The following CYB5R4 variants were observed in gnomAD, a reference collection of about 807,000 sequenced individuals.
CYB5R4 encodes N-terminal cytochrome b5 and cytochrome b5 oxidoreductase domain-containing protein.
Under a neutral mutation model 70.2 loss-of-function variants are expected in CYB5R4, and 55 were observed. The observed-to-expected ratio is 0.78, with a 90% CI of 0.63 to 0.98. The LOEUF (loss-of-function observed/expected upper bound fraction) is 0.98. CYB5R4 is among the 50% of genes least tolerant of loss of function. The pLI is 0.00. For synonymous variants in CYB5R4, 197 were observed against 199.5 expected (o/e 0.99, Z 0.11); for missense variants, 562 against 612.6 (o/e 0.92, Z 0.87).
intron 5 of CYB5R4, among the ~76,000 whole-genome samples, chr6:83,916,922 C>G (rs770239055): frequency 1.3e-5 from 2 of 152,048 alleles, no homozygotes; most frequent in Non-Finnish European, 2.9e-5. Flanking sequence ...AATTTTTGTT[C>G]CTGTATAGTT....
intron 13 of CYB5R4, 128 bp from the exon 14 acceptor site, chr6:83,940,387 G>A (rs939314463): frequency 2.4e-5 from 26 of 1,096,442 alleles, no homozygotes; most frequent in African/African-American, 3.3e-5. Context: ...TCTCATTTCA[G>A]TTTTTGATGA....
At chr6:83,872,678 C>G (rs1377641040) in intron 2 of CYB5R4, among the ~76,000 whole-genome samples, 1 of 152,162 alleles carries the variant, frequency 6.6e-6, no homozygotes, top group Admixed American at 6.5e-5. Flanking sequence ...TAGTTATTTT[C>G]TAGTTCTGTT....
At chr6:83,912,156 T>A (rs1015213328) in intron 4 of CYB5R4, among the ~76,000 whole-genome samples, 9 of 151,752 alleles carry the variant, frequency 5.9e-5, no homozygotes, top group African/African-American at 1.7e-4. Context: ...AGAAGAAGCA[T>A]CCTTATCATA....
chr6:83,895,413 G>C (rs1173483206), intron 3 of CYB5R4, among the ~76,000 whole-genome samples: 4 of 152,134 alleles, frequency 2.6e-5, no homozygotes, highest in Non-Finnish European at 4.4e-5. Flanking sequence ...TACTCTGCCT[G>C]CCTCAGCCGC....
rs535975373 is a variant in CYB5R4, at chr6:83,939,990, C to T, written c.1109-66C>T. ...GCTAGTTTTGGCTTCTTAGTTTCCC[C>T]GCTGGGTTTTTTGTTTTGTTTTTTG... On this transcript the variant is annotated intron_variant, in intron 12 of 15. Coordinates refer to ENST00000369681, the MANE Select transcript of CYB5R4 (RefSeq NM_016230.4). 90 of 1,231,108 alleles carry T rather than the reference C, an allele frequency of 7.3e-5. 2 individuals carry two copies. The highest frequency in any genetic ancestry group is 6.9e-4 in the South Asian group (44 of 63,772). 76.3% of individuals were successfully genotyped at this position (1,231,108 alleles called of 1,614,324 possible).
chr6:83,936,205 C>T lies in CYB5R4; in HGVS notation c.956-19C>T, dbSNP rs942507686. On this transcript the variant is annotated intron_variant, in intron 11 of 15. Coordinates refer to ENST00000369681, the MANE Select transcript of CYB5R4 (RefSeq NM_016230.4). ...GGATTTTTAGAATTTAATTATTTTG[C>T]TGTGATTTTTTTTTCTAGGTACAGA... The T allele has an allele frequency of 4.0e-6, 6 of 1,513,056 alleles. No individual in the cohort carries two copies. The highest frequency in any genetic ancestry group is 2.4e-5 in the Admixed American group (1 of 41,948). The allele number at this position is 1,513,056 out of a possible 1,614,324, so 93.7% of individuals were successfully genotyped here. A position where few individuals can be genotyped will look rare whatever the true frequency, so the allele number is the denominator to read the frequency against.
At chr6:83,906,928 CG>C (rs2099463863) in intron 3 of CYB5R4, among the ~76,000 whole-genome samples, 1 of 151,972 alleles carries the variant, frequency 6.6e-6, no homozygotes, top group Non-Finnish European at 1.5e-5. Context: ...TTTCCTTTGC[CG>C]GTCTTTTACA....
intron 2 of CYB5R4, among the ~76,000 whole-genome samples, chr6:83,874,459 C>T (rs2099458190): frequency 6.6e-6 from 1 of 151,730 alleles, no homozygotes; most frequent in Admixed American, 6.6e-5. Flanking sequence ...GCCTTGGCCT[C>T]CCAAAGTGCT....
intron 14 of CYB5R4, 27 bp from the exon 15 acceptor site, chr6:83,955,271 T>C (rs1346375963): frequency 1.3e-6 from 2 of 1,565,400 alleles, no homozygotes; most frequent in Admixed American, 1.9e-5. Context: ...ATAATAAACT[T>C]TAAAAAGCTG....
chr6:83,918,905 A>C (rs2099465923), intron 6 of CYB5R4, among the ~76,000 whole-genome samples: 1 of 152,158 alleles, frequency 6.6e-6, no homozygotes. Flanking sequence ...GTGCAAAAAG[A>C]GTATCAATTT....
intron 1 of CYB5R4, among the ~76,000 whole-genome samples, chr6:83,863,957 T>C (rs1401383872): frequency 6.6e-6 from 1 of 152,204 alleles, no homozygotes; most frequent in Non-Finnish European, 1.5e-5. Context: ...CCAGGAATAC[T>C]GATAGACTAC....
chr6:83,892,681 C>A (rs151188179), intron 2 of CYB5R4, among the ~76,000 whole-genome samples: 5 of 152,262 alleles, frequency 3.3e-5, no homozygotes, highest in African/African-American at 1.2e-4. Flanking sequence ...AATAGTTGGG[C>A]TTCCTTTTCA....
At chr6:83,883,089 A>C (rs1384912756) in intron 2 of CYB5R4, among the ~76,000 whole-genome samples, 1 of 152,190 alleles carries the variant, frequency 6.6e-6, no homozygotes, top group African/African-American at 2.4e-5. Context: ...GAAATAACAA[A>C]TTTGTTGAAT....
rs111326419 is a variant in CYB5R4 at position 83,892,542 on chromosome 6, G to A, written c.230-980G>A. On this transcript the variant is annotated intron_variant, in intron 2 of 15. Transcript: ENST00000369681. Reference sequence around the variant, plus strand: ...CAACTTACTTCCTTGGGAGAGCTGTGCATTGAGATATTTTGTGTTTGTTGT... The same window carrying A: ...CAACTTACTTCCTTGGGAGAGCTGTACATTGAGATATTTTGTGTTTGTTGT... 8.8e-3 allele frequency among the ~76,000 whole-genome samples: 1,334 copies of A among 152,242 alleles called. 10 individuals carry two copies. The highest frequency in any genetic ancestry group is 0.017 in the South Asian group (80 of 4,826).
At chr6:83,929,642 G>C (rs1174354669) in intron 10 of CYB5R4, 1 of 151,630 alleles carries the variant, frequency 6.6e-6, no homozygotes. Flanking sequence ...AAAGAGGCAG[G>C]GGGAGAGAAA....
intron 3 of CYB5R4, among the ~76,000 whole-genome samples, chr6:83,900,014 G>T (rs916068473): frequency 6.6e-6 from 1 of 152,014 alleles, no homozygotes; most frequent in African/African-American, 2.4e-5. Flanking sequence ...GCTAGCTTTT[G>T]AATGTGTTTG....
chr6:83,897,105 C>T (rs13203946), intron 3 of CYB5R4, among the ~76,000 whole-genome samples: 6,721 of 151,544 alleles, frequency 0.044, 153 homozygotes, highest in African/African-American at 0.051. Flanking sequence ...GTTCCCCTTC[C>T]TGTGTCCATG....
rs561229379 is a variant in CYB5R4, at chr6:83,967,252, T to C, written c.*7374T>C. Reference sequence around the variant, plus strand: ...ACCAGAAAGACTAGAAAGTCATCAATAAAAGGATTGGAGAACATTAAACTT... The same window carrying C: ...ACCAGAAAGACTAGAAAGTCATCAACAAAAGGATTGGAGAACATTAAACTT... On this transcript the variant is annotated 3_prime_UTR_variant, in exon 16 of 16. Coordinates refer to ENST00000369681, the MANE Select transcript of CYB5R4 (RefSeq NM_016230.4). 148 of 152,238 alleles carry C rather than the reference T, an allele frequency of 9.7e-4. 1 individual carries two copies. Among genetic ancestry groups the C allele is most frequent in the African/African-American group, 3.3e-3 (139 of 41,548 alleles). 9.4% of individuals were successfully genotyped at this position (152,238 alleles called of 1,614,324 possible).
At chr6:83,928,248 T>C (rs1161709126) in intron 10 of CYB5R4, among the ~76,000 whole-genome samples, 1 of 152,234 alleles carries the variant, frequency 6.6e-6, no homozygotes, top group African/African-American at 2.4e-5. Context: ...TGTAGGAGAC[T>C]GTTTCAGGCA....
Sources: allele counts gnomAD v4.1 joint callset (sites outside exome capture counted in the v4.1 genomes callset), GRCh38; gene constraint gnomAD v4.1.1; transcripts MANE v1.5; gene names NCBI Gene and HGNC (gene_info 2026-07-23, HGNC 2026-07-21).